Variants in CDH12 observed in about 807,000 individuals in gnomAD.
CDH12 encodes the protein cadherin-12.
CDH12 carries 41 observed loss-of-function variants against 74.1 expected under a neutral mutation model. That is an observed-to-expected ratio of 0.55 (90% confidence interval 0.43 to 0.72). The LOEUF (loss-of-function observed/expected upper bound fraction) is 0.72. Among genes scored for constraint, CDH12 ranks in the 30% least tolerant of loss-of-function variants. The pLI is 0.00. For synonymous variants in CDH12, 399 were observed against 355.0 expected, an observed-to-expected ratio of 1.12 and a Z score of -1.39; for missense variants, 945 against 977.2, an observed-to-expected ratio of 0.97 and a Z score of 0.44.
Position 21,843,664 on chromosome 5 carries a change from G to A in CDH12, c.647-1336C>T, listed in dbSNP as rs145732540. The stretch of plus-strand genomic sequence containing the variant: ...GGAGTAGCTGGGATTACAGGCATGC[G>A]CCACCATGCCTGGCTTATTTTGTAT... On this transcript the variant is annotated intron_variant, in intron 7 of 14. Coordinates refer to ENST00000382254, the MANE Select transcript of CDH12 (RefSeq NM_004061.5). Among the ~76,000 whole-genome samples the A allele has an allele frequency of 1.5e-4, 23 of 152,064 alleles. No individual in the cohort carries two copies. The East Asian group carries it at 2.1e-3, about 14-fold the overall frequency.
At chr5:21,882,700 C>A in intron 6 of CDH12, 2 of 1,510,312 alleles carry the variant, frequency 1.3e-6, no homozygotes, top group Non-Finnish European at 1.8e-6. Flanking sequence ...ATGCCCGAGC[C>A]TTAATGCTTC....
intron 4 of CDH12, among the ~76,000 whole-genome samples, chr5:22,124,200 G>C (rs1745700394): frequency 6.6e-6 from 1 of 151,918 alleles, no homozygotes; most frequent in Non-Finnish European, 1.5e-5. Context: ...TTCGTCGCCA[G>C]GCTGCAGTGC....
At chr5:21,952,154 AG>A (rs1184429949) in intron 6 of CDH12, among the ~76,000 whole-genome samples, 1 of 152,176 alleles carries the variant, frequency 6.6e-6, no homozygotes, top group Admixed American at 6.5e-5. Flanking sequence ...TGTTGCCGTT[AG>A]TTATCATCAT....
At chr5:22,824,888 T>C (rs987674087) in intron 1 of CDH12, among the ~76,000 whole-genome samples, 5 of 151,780 alleles carry the variant, frequency 3.3e-5, no homozygotes, top group Admixed American at 6.6e-5. Context: ...TATATATATA[T>C]GTTTGTCCAA....
intron 3 of CDH12, among the ~76,000 whole-genome samples, chr5:22,403,243 A>T (rs1742806418): frequency 6.6e-6 from 1 of 152,156 alleles, no homozygotes; most frequent in Non-Finnish European, 1.5e-5. Context: ...TTATTATGGC[A>T]ATCCTAGGAA....
chr5:22,653,151 A>G (rs1288490910), intron 1 of CDH12, among the ~76,000 whole-genome samples: 2 of 152,126 alleles, frequency 1.3e-5, no homozygotes, highest in African/African-American at 4.8e-5. Flanking sequence ...AATCATCATC[A>G]TTCTCTTCAC....
At chr5:22,041,819 T>C (rs1739590378) in intron 5 of CDH12, among the ~76,000 whole-genome samples, 1 of 152,036 alleles carries the variant, frequency 6.6e-6, no homozygotes, top group African/African-American at 2.4e-5. Context: ...GCCTAACAGG[T>C]ATATAAAAAA....
intron 6 of CDH12, among the ~76,000 whole-genome samples, chr5:21,892,153 G>A (rs1752928038): frequency 6.6e-6 from 1 of 152,196 alleles, no homozygotes; most frequent in South Asian, 2.1e-4. Context: ...ACTGTATTTG[G>A]GGAGTAAAAG....
intron 6 of CDH12, among the ~76,000 whole-genome samples, chr5:21,878,785 A>AAAAG (rs373356467): frequency 5.2e-5 from 5 of 96,066 alleles, no homozygotes; most frequent in African/African-American, 1.4e-4. Context: ...AAGAAAGAAA[A>AAAAG]AAAGAAAGAA....
At chr5:22,478,136 A>C (rs917673579) in intron 2 of CDH12, among the ~76,000 whole-genome samples, 4 of 152,114 alleles carry the variant, frequency 2.6e-5, no homozygotes, top group Admixed American at 6.6e-5. Context: ...ATTGAAAAAT[A>C]GGCCAGGCAC....
rs180718360 is a variant in CDH12, at chr5:21,874,868, G to C, written c.527-20078C>G. Among the ~76,000 whole-genome samples the C allele has an allele frequency of 7.9e-5, 12 of 152,256 alleles. No homozygotes were observed. The East Asian group carries it at 1.9e-3, about 25-fold the overall frequency. ...GTGCCTGGGGTTCCTCCTAATAGAG[G>C]TATAACATTCATGCATGGCCCAAAG... On this transcript the variant is annotated intron_variant, in intron 6 of 14. Transcript: ENST00000382254.
At chr5:21,832,865 AT>A (rs1749123615) in intron 8 of CDH12, among the ~76,000 whole-genome samples, 1 of 4,988 alleles carries the variant, frequency 2.0e-4, no homozygotes, top group Non-Finnish European at 4.1e-4. Context: ...GATATATATC[AT>A]ATGATATATG....
At chr5:22,232,093 G>A (rs2150375498) in intron 3 of CDH12, among the ~76,000 whole-genome samples, 1 of 151,688 alleles carries the variant, frequency 6.6e-6, no homozygotes, top group Admixed American at 6.6e-5. Context: ...GAAATATGCT[G>A]TTTTATCACA....
intron 4 of CDH12, among the ~76,000 whole-genome samples, chr5:22,167,401 G>A (rs1224818982): frequency 6.6e-6 from 1 of 152,176 alleles, no homozygotes; most frequent in Non-Finnish European, 1.5e-5. Flanking sequence ...AAAGTTTAAT[G>A]CCATGGACAG....
chr5:22,063,566 T>C (rs545269830), intron 5 of CDH12, among the ~76,000 whole-genome samples: 38 of 152,190 alleles, frequency 2.5e-4, no homozygotes, highest in African/African-American at 8.4e-4. Flanking sequence ...TACTTCTTTC[T>C]TTTAACAGAC....
chr5:22,127,242 C>T (rs1292954425), intron 4 of CDH12, among the ~76,000 whole-genome samples: 1 of 151,656 alleles, frequency 6.6e-6, no homozygotes, highest in Admixed American at 6.6e-5. Flanking sequence ...GCCTGTAATC[C>T]CAGCACTTTG....
At chr5:21,870,479 A>G (rs1056386902) in intron 6 of CDH12, among the ~76,000 whole-genome samples, 2 of 152,204 alleles carry the variant, frequency 1.3e-5, no homozygotes, top group African/African-American at 4.8e-5. Context: ...AGGATAGCAC[A>G]GCAAGAAAGA....
intron 5 of CDH12, among the ~76,000 whole-genome samples, chr5:22,061,254 T>C (rs1465217797): frequency 2.0e-5 from 3 of 152,186 alleles, no homozygotes; most frequent in African/African-American, 7.2e-5. Flanking sequence ...ATTTCATATA[T>C]TATACAGTGT....
rs561698101 is a variant in CDH12, at chr5:22,492,605, C to A, written c.-428+12665G>T. Reference sequence around the variant, plus strand: ...CTGGTGATCCACATGCCTCAGCCTCCCAAAGTGCTGGGATTACAGGAGTGA... The same window carrying A: ...CTGGTGATCCACATGCCTCAGCCTCACAAAGTGCTGGGATTACAGGAGTGA... On this transcript the variant is annotated intron_variant, in intron 2 of 14. Transcript: ENST00000382254. 2.2e-3 allele frequency among the ~76,000 whole-genome samples: 342 copies of A among 152,204 alleles called. 2 individuals carry two copies. The highest frequency in any genetic ancestry group is 7.9e-3 in the African/African-American group (328 of 41,536).
Sources: allele counts gnomAD v4.1 joint callset (sites outside exome capture counted in the v4.1 genomes callset), GRCh38; gene constraint gnomAD v4.1.1; transcripts MANE v1.5; gene names NCBI Gene and HGNC (gene_info 2026-07-23, HGNC 2026-07-21).